Variants in GRIA4 observed in about 807,000 individuals in gnomAD.
GRIA4 encodes the protein glutamate receptor 4.
A neutral mutation model predicts 104.0 loss-of-function variants in GRIA4; 34 were observed. The ratio of observed to expected loss-of-function variants is 0.33; its 90% CI spans 0.25 to 0.44. The LOEUF is 0.44. Ranked by LOEUF, GRIA4 falls within the 20% of genes least tolerant of loss-of-function variation. The probability of loss-of-function intolerance (pLI) is 1.00; values close to 1 mark genes in which losing one functional copy is unlikely to be tolerated. For missense variants in GRIA4, 750 were observed against 1,096.5 expected (o/e 0.68, Z 4.46); for synonymous variants, 386 against 381.9 (o/e 1.01, Z -0.13).
intron 3 of GRIA4, among the ~76,000 whole-genome samples, chr11:105,734,098 A>T (rs1266832875): frequency 1.4e-5 from 2 of 148,074 alleles, no homozygotes; most frequent in African/African-American, 2.5e-5. Flanking sequence ...TATATATATA[A>T]AATATCTTGC....
At chr11:105,739,601 A>G (rs1415921335) in intron 3 of GRIA4, among the ~76,000 whole-genome samples, 2 of 152,202 alleles carry the variant, frequency 1.3e-5, no homozygotes, top group Admixed American at 6.6e-5. Context: ...GAAAATTAGC[A>G]TTTACATATT....
rs930730811 is a variant in GRIA4 at position 105,633,965 on chromosome 11, C to T, written c.247+21531C>T. On this transcript the variant is annotated intron_variant, in intron 3 of 16. Coordinates refer to ENST00000282499, the MANE Select transcript of GRIA4 (RefSeq NM_000829.4). ...ACTTCCCAGATACCAAGACATTAGG[C>T]GGGTTACTCAATCTTCCTAAGTCTC... Among the ~76,000 whole-genome samples the T allele has an allele frequency of 3.9e-5, 6 of 152,072 alleles. No homozygotes were observed. In the South Asian group the frequency reaches 8.3e-4, roughly 21 times the overall value.
intron 3 of GRIA4, among the ~76,000 whole-genome samples, chr11:105,700,092 T>TGTGATATTTTA (rs1328934580): frequency 5.3e-5 from 8 of 152,206 alleles, no homozygotes; most frequent in African/African-American, 1.4e-4. Context: ...AGCATAGAGA[T>TGTGATATTTTA]GTGATATTTT....
Position 105,815,987 on chromosome 11 carries a change from C to T in GRIA4, c.488-46037C>T, listed in dbSNP as rs539518280. On this transcript the variant is annotated intron_variant, in intron 4 of 16. Transcript: ENST00000282499. ...ACTGCCTAGCACCCCTCCTTTAATG[C>T]TTACCATGCTTTTGACCCCAACTCA... Among the ~76,000 whole-genome samples the T allele has an allele frequency of 2.0e-5, 3 of 152,254 alleles. No homozygotes were observed. The East Asian group carries it at 5.8e-4, about 30-fold the overall frequency.
intron 4 of GRIA4, among the ~76,000 whole-genome samples, chr11:105,828,139 C>T (rs1356395899): frequency 6.6e-6 from 1 of 151,992 alleles, no homozygotes; most frequent in Admixed American, 6.6e-5. Flanking sequence ...TCAGTTTAGT[C>T]ATTTTTAAAT....
At chr11:105,664,794 TG>T (rs1952117248) in intron 3 of GRIA4, among the ~76,000 whole-genome samples, 1 of 152,020 alleles carries the variant, frequency 6.6e-6, no homozygotes, top group Admixed American at 6.6e-5. Flanking sequence ...TTTTGCAGAT[TG>T]AGAAATATGC....
At chr11:105,777,382 A>C (rs879744556) in intron 4 of GRIA4, among the ~76,000 whole-genome samples, 1 of 152,188 alleles carries the variant, frequency 6.6e-6, no homozygotes, top group Non-Finnish European at 1.5e-5. Context: ...TTGTGAAATT[A>C]CCCAATAATG....
At chr11:105,778,075 GATTAAA>G (rs1941532591) in intron 4 of GRIA4, among the ~76,000 whole-genome samples, 1 of 152,086 alleles carries the variant, frequency 6.6e-6, no homozygotes, top group Non-Finnish European at 1.5e-5. Context: ...TAAATACTGA[GATTAAA>G]CCAAACTGAA....
chr11:105,820,275 C>T (rs575927511), intron 4 of GRIA4, among the ~76,000 whole-genome samples: 1 of 152,196 alleles, frequency 6.6e-6, no homozygotes, highest in African/African-American at 2.4e-5. Context: ...AGAGTAAGAT[C>T]ACACAACTAG....
intron 4 of GRIA4, among the ~76,000 whole-genome samples, chr11:105,794,054 G>A (rs74942890): frequency 0.03 from 4,533 of 152,056 alleles, 134 homozygotes; most frequent in African/African-American, 0.076. Context: ...AAAGAGATGT[G>A]AGAATTATAA....
intron 4 of GRIA4, among the ~76,000 whole-genome samples, chr11:105,785,300 C>A (rs970364665): frequency 3.3e-5 from 5 of 151,846 alleles, no homozygotes; most frequent in African/African-American, 1.2e-4. Flanking sequence ...GTGTTTTGCA[C>A]GTATATATAA....
intron 10 of GRIA4, among the ~76,000 whole-genome samples, chr11:105,911,022 G>A (rs1475392234): frequency 6.6e-6 from 1 of 152,024 alleles, no homozygotes; most frequent in Non-Finnish European, 1.5e-5. Context: ...GTTTACAATA[G>A]TGAAGATGTG....
intron 4 of GRIA4, among the ~76,000 whole-genome samples, chr11:105,783,742 ATTTGTGTG>A (rs1260568943): frequency 8.4e-6 from 1 of 118,790 alleles, no homozygotes; most frequent in East Asian, 2.6e-4. Flanking sequence ...TCTGGATGTT[ATTTGTGTG>A]TGTGTGTGTG....
intron 3 of GRIA4, among the ~76,000 whole-genome samples, chr11:105,629,395 T>C (rs1950974612): frequency 6.6e-6 from 1 of 151,980 alleles, no homozygotes; most frequent in Non-Finnish European, 1.5e-5. Context: ...AAATGATAAA[T>C]ATTATTATAT....
At chr11:105,954,713 A>T (rs1270383114) in intron 14 of GRIA4, among the ~76,000 whole-genome samples, 4 of 151,930 alleles carry the variant, frequency 2.6e-5, no homozygotes, top group African/African-American at 9.7e-5. Flanking sequence ...GATCATTGGT[A>T]CTTATCAACA....
At chr11:105,697,331 A>G (rs1281305726) in intron 3 of GRIA4, among the ~76,000 whole-genome samples, 2 of 152,106 alleles carry the variant, frequency 1.3e-5, no homozygotes, top group African/African-American at 2.4e-5. Context: ...TGCATGTACA[A>G]GTGTATATGC....
intron 14 of GRIA4, among the ~76,000 whole-genome samples, chr11:105,934,829 A>C (rs1397856998): frequency 6.6e-6 from 1 of 152,098 alleles, no homozygotes; most frequent in Non-Finnish European, 1.5e-5. Context: ...TGTTGAATTG[A>C]TGGGGCTGGA....
At chr11:105,776,749 CA>C (rs1941468226) in intron 4 of GRIA4, among the ~76,000 whole-genome samples, 2 of 152,276 alleles carry the variant, frequency 1.3e-5, no homozygotes, top group South Asian at 4.1e-4. Flanking sequence ...CCCCACATAG[CA>C]GAGAGCCAGA....
chr11:105,850,804 C>T (rs750700976), intron 4 of GRIA4, among the ~76,000 whole-genome samples: 3 of 152,112 alleles, frequency 2.0e-5, no homozygotes, highest in Non-Finnish European at 4.4e-5. Context: ...CAGAAGCCAC[C>T]ACACTTCTTG....
Sources: allele counts gnomAD v4.1 joint callset (sites outside exome capture counted in the v4.1 genomes callset), GRCh38; gene constraint gnomAD v4.1.1; transcripts MANE v1.5; gene names NCBI Gene and HGNC (gene_info 2026-07-23, HGNC 2026-07-21).